The following CALN1 variants were observed in gnomAD, a reference collection of about 807,000 sequenced individuals.
The protein encoded by CALN1 is calcium-binding protein 8.
In CALN1, 17 loss-of-function variants were observed where a neutral mutation model predicts 30.6. That is an observed-to-expected ratio of 0.56 (90% CI 0.38 to 0.83). The LOEUF (loss-of-function observed/expected upper bound fraction) is 0.83. Ranked by LOEUF, CALN1 falls within the 40% of genes least tolerant of loss-of-function variation. The pLI, the probability that CALN1 is intolerant of heterozygous loss-of-function variation, is 0.00. For missense variants in CALN1, 291 were observed against 354.9 expected, an observed-to-expected ratio of 0.82 and a Z score of 1.45; for synonymous variants, 156 against 131.4, an observed-to-expected ratio of 1.19 and a Z score of -1.28.
intron 5 of CALN1, among the ~76,000 whole-genome samples, chr7:71,947,665 G>C (rs142426266): frequency 6.6e-6 from 1 of 152,104 alleles, no homozygotes; most frequent in Non-Finnish European, 1.5e-5. Context: ...TTGCTGCCGG[G>C]CATGGAGGCT....
chr7:72,462,170 GTATGTATGTATT>G, the CALN1 span, among the ~76,000 whole-genome samples: 1 of 151,986 alleles, frequency 6.6e-6, no homozygotes, highest in African/African-American at 2.4e-5. Context: ...ATGTATGTAT[GTATGTATGTATT>G]TATTTATTTA....
intron 3 of CALN1, among the ~76,000 whole-genome samples, chr7:72,165,770 T>C (rs961332980): frequency 6.6e-6 from 1 of 151,698 alleles, no homozygotes; most frequent in Non-Finnish European, 1.5e-5. Context: ...GAAGGTTGAG[T>C]GTATACTAGA....
At chr7:71,795,877 G>T (rs1449884917) in intron 6 of CALN1, among the ~76,000 whole-genome samples, 1 of 142,524 alleles carries the variant, frequency 7.0e-6, no homozygotes, top group African/African-American at 2.7e-5. Context: ...GGAGTGCAGC[G>T]GCACCATCTC....
chr7:72,218,605 T>C (rs940450340), intron 3 of CALN1, among the ~76,000 whole-genome samples: 1 of 152,172 alleles, frequency 6.6e-6, no homozygotes, highest in Non-Finnish European at 1.5e-5. Context: ...GAGGACGCCA[T>C]GCTTGAAGAA....
intron 5 of CALN1, among the ~76,000 whole-genome samples, chr7:71,938,036 T>C (rs1351772938): frequency 6.6e-6 from 1 of 152,114 alleles, no homozygotes; most frequent in East Asian, 1.9e-4. Context: ...ACGCAACATC[T>C]GGGTTGGGGC....
intron 5 of CALN1, among the ~76,000 whole-genome samples, chr7:71,863,557 C>CAAAAAAAAAAAAAAAAAAAAAAAAAAAA (rs71531769): frequency 3.1e-5 from 1 of 32,212 alleles, no homozygotes. Flanking sequence ...AACTCCATCT[C>CAAAAAAAAAAAAAAAAAAAAAAAAAAAA]AAAAAAAAAA....
intron 5 of CALN1, among the ~76,000 whole-genome samples, chr7:71,960,179 A>G (rs566417897): frequency 8.6e-6 from 1 of 116,774 alleles, no homozygotes; most frequent in African/African-American, 3.3e-5. Flanking sequence ...ATAAATAAAT[A>G]AATAAAATAA....
At chr7:71,929,698 AT>A (rs1795449585) in intron 5 of CALN1, among the ~76,000 whole-genome samples, 1 of 152,226 alleles carries the variant, frequency 6.6e-6, no homozygotes, top group Admixed American at 6.5e-5. Context: ...CAATGCAGCT[AT>A]GAATATTCTT....
the CALN1 span, among the ~76,000 whole-genome samples, chr7:72,490,611 C>T: frequency 6.6e-6 from 1 of 152,146 alleles, no homozygotes. Context: ...GTGACTGGAT[C>T]ATGGGGGGCA....
intron 5 of CALN1, among the ~76,000 whole-genome samples, chr7:71,955,720 T>G (rs1796926096): frequency 6.6e-6 from 1 of 152,068 alleles, no homozygotes; most frequent in South Asian, 2.1e-4. Flanking sequence ...AATAAGCCCC[T>G]GATGTTCTGG....
At chr7:72,422,751 A>G (rs1396314447) in intron 1 of CALN1, among the ~76,000 whole-genome samples, 3 of 152,084 alleles carry the variant, frequency 2.0e-5, no homozygotes, top group Non-Finnish European at 4.4e-5. Flanking sequence ...TTAACATCTT[A>G]TCTTCTTGGC....
intron 6 of CALN1, among the ~76,000 whole-genome samples, chr7:71,788,515 A>G (rs1793119497): frequency 6.9e-6 from 1 of 145,078 alleles, no homozygotes; most frequent in Non-Finnish European, 1.5e-5. Context: ...TTTTAGAGAA[A>G]GTGTCTTGCT....
intron 4 of CALN1, among the ~76,000 whole-genome samples, chr7:72,057,671 T>C (rs541957981): frequency 2.0e-5 from 3 of 152,094 alleles, no homozygotes; most frequent in African/African-American, 7.2e-5. Context: ...ATTGTGAAGA[T>C]TACATGTTAT....
At chr7:71,914,948 G>GA (rs1243251906) in intron 5 of CALN1, among the ~76,000 whole-genome samples, 1 of 151,882 alleles carries the variant, frequency 6.6e-6, no homozygotes, top group Non-Finnish European at 1.5e-5. Flanking sequence ...AAGTTTACAA[G>GA]AAAAAAAATA....
At chr7:72,307,573 G>A (rs1342339497) in intron 2 of CALN1, among the ~76,000 whole-genome samples, 1 of 152,204 alleles carries the variant, frequency 6.6e-6, no homozygotes, top group African/African-American at 2.4e-5. Context: ...TTGCAGAATA[G>A]CTATGATATG....
chr7:72,186,514 C>T (rs1790199682), intron 3 of CALN1, among the ~76,000 whole-genome samples: 1 of 152,046 alleles, frequency 6.6e-6, no homozygotes, highest in Non-Finnish European at 1.5e-5. Context: ...TGAACTGAAC[C>T]CCTTACACAA....
chr7:72,017,239 C>T (rs10273495), intron 5 of CALN1, among the ~76,000 whole-genome samples: 20,130 of 149,834 alleles, frequency 0.13, 2,109 homozygotes, highest in East Asian at 0.34. Flanking sequence ...GACACGAGAC[C>T]ACAGCAAGAA....
chr7:72,394,596 G>C (rs376182567), intron 2 of CALN1, among the ~76,000 whole-genome samples: 17 of 151,610 alleles, frequency 1.1e-4, no homozygotes, highest in East Asian at 9.7e-4. Context: ...ATAATAAACT[G>C]CATATTTTGA....
At chr7:72,457,154 A>G in the CALN1 span, among the ~76,000 whole-genome samples, 16 of 152,042 alleles carry the variant, frequency 1.1e-4, 1 homozygote, top group Middle Eastern at 6.8e-3. Context: ...GATTACAGGC[A>G]TGTGCCACTA....
Sources: gnomAD v4.1 joint callset for allele counts (sites outside exome capture counted in the v4.1 genomes callset) on GRCh38, gnomAD v4.1.1 for gene constraint, MANE v1.5 for transcripts, NCBI Gene and HGNC (gene_info 2026-07-23, HGNC 2026-07-21) for gene names.